The following HYDIN variants were observed in gnomAD, a reference collection of about 807,000 sequenced individuals.
The protein encoded by HYDIN is axonemal central pair apparatus protein HYDIN.
In HYDIN, 132 loss-of-function variants were observed where a neutral mutation model predicts 403.9. The observed-to-expected ratio is 0.33, with a 90% CI of 0.28 to 0.38. The LOEUF (loss-of-function observed/expected upper bound fraction) is 0.38, where lower values mean the gene tolerates loss of function less well. Among genes scored for constraint, HYDIN ranks in the 10% least tolerant of loss-of-function variants. HYDIN has a pLI of 1.00. For missense variants in HYDIN, 2,827 were observed against 5,009.5 expected (o/e 0.56, Z 13.15); for synonymous variants, 1,202 against 1,891.7 (o/e 0.64, Z 9.46).
intron 23 of HYDIN, among the ~76,000 whole-genome samples, chr16:71,008,219 T>C (rs2079952661): frequency 6.6e-6 from 1 of 151,312 alleles, no homozygotes; most frequent in South Asian, 2.1e-4. Context: ...ACGGGATCCA[T>C]ACCCCAAACT....
chr16:70,968,639 T>A (rs1187912801), intron 36 of HYDIN, among the ~76,000 whole-genome samples: 2 of 151,996 alleles, frequency 1.3e-5, no homozygotes, highest in East Asian at 3.9e-4. Flanking sequence ...AAGAAGGCAG[T>A]GCCCCCTTCT....
In HYDIN at chr16:70,809,647, G is replaced by A. The variant is rs1159551917; in HGVS notation, c.14883+136C>T. 3 of 705,848 alleles carry A rather than the reference G, an allele frequency of 4.3e-6. No individual in the cohort carries two copies. The African/African-American group carries it at 5.3e-5, about 13-fold the overall frequency. The allele number at this position is 705,848 out of a possible 1,614,324, so 43.7% of individuals were successfully genotyped here. A position where few individuals can be genotyped will look rare whatever the true frequency, so the allele number is the denominator to read the frequency against. On this transcript the variant is annotated intron_variant, in intron 85 of 85. Coordinates refer to ENST00000393567, the MANE Select transcript of HYDIN (RefSeq NM_001270974.2). ...TTCCAGGCTAGATTCAGGCCTCTGA[G>A]GCAGGTGTCACCATGACAACGAAGC... is the stretch of plus-strand genomic sequence containing the variant.
At chr16:70,923,818 C>A in intron 45 of HYDIN, among the ~76,000 whole-genome samples, 2 of 129,850 alleles carry the variant, frequency 1.5e-5, no homozygotes, top group Admixed American at 7.8e-5. Flanking sequence ...AAGACTCTGT[C>A]TCAAAAAAAA....
chr16:70,812,631 A>G (rs2035579978), intron 84 of HYDIN, among the ~76,000 whole-genome samples: 1 of 152,264 alleles, frequency 6.6e-6, no homozygotes, highest in Non-Finnish European at 1.5e-5. Flanking sequence ...AAAATATATA[A>G]AACCTAGAAA....
At chr16:71,180,544 T>C (rs548581046) in intron 3 of HYDIN, among the ~76,000 whole-genome samples, 1 of 152,152 alleles carries the variant, frequency 6.6e-6, no homozygotes, top group Admixed American at 6.5e-5. Flanking sequence ...CCTTTATATA[T>C]CTGAGAAAGA....
chr16:71,066,237 A>G (rs372721272), intron 15 of HYDIN, among the ~76,000 whole-genome samples: 9 of 152,038 alleles, frequency 5.9e-5, no homozygotes, highest in African/African-American at 2.2e-4. Flanking sequence ...TGGGCATAGA[A>G]AGGACCACAT....
intron 12 of HYDIN, among the ~76,000 whole-genome samples, chr16:71,083,850 T>C (rs1322596448): frequency 7.7e-6 from 1 of 130,342 alleles, no homozygotes; most frequent in African/African-American, 2.9e-5. Context: ...AGTAGCTGTC[T>C]TGGTTATCAG....
At chr16:71,115,501 G>A (rs2083989998) in intron 10 of HYDIN, among the ~76,000 whole-genome samples, 195 bp downstream of exon 10, 1 of 152,102 alleles carries the variant, frequency 6.6e-6, no homozygotes, top group African/African-American at 2.4e-5. Context: ...GCACTTTAAA[G>A]TTTGATCTGT....
intron 1 of HYDIN, among the ~76,000 whole-genome samples, chr16:71,208,724 T>A (rs1291054194): frequency 6.6e-6 from 1 of 152,100 alleles, no homozygotes; most frequent in African/African-American, 2.4e-5. Context: ...AAAGGGGATA[T>A]TACCACTGAC....
At chr16:71,183,897 A>G (rs2087014744) in intron 3 of HYDIN, among the ~76,000 whole-genome samples, 1 of 152,148 alleles carries the variant, frequency 6.6e-6, no homozygotes, top group Non-Finnish European at 1.5e-5. Context: ...AACACATTAA[A>G]ATACACTAGT....
intron 1 of HYDIN, among the ~76,000 whole-genome samples, chr16:71,193,298 T>C (rs536065460): frequency 2.4e-4 from 37 of 152,372 alleles, no homozygotes; most frequent in African/African-American, 8.2e-4. Flanking sequence ...GGTTTGTTTT[T>C]CTTAATTTAA....
At chr16:70,971,836 A>G (rs1201919882) in intron 35 of HYDIN, among the ~76,000 whole-genome samples, 2 of 151,402 alleles carry the variant, frequency 1.3e-5, no homozygotes, top group Non-Finnish European at 2.9e-5. Flanking sequence ...ATTTTCTTGA[A>G]CATGTTATCA....
intron 23 of HYDIN, among the ~76,000 whole-genome samples, chr16:70,994,977 C>G (rs1456976178): frequency 6.6e-6 from 1 of 150,906 alleles, no homozygotes; most frequent in Non-Finnish European, 1.5e-5. Flanking sequence ...TGGAAAAATA[C>G]AAAGCTGTAG....
intron 1 of HYDIN, among the ~76,000 whole-genome samples, chr16:71,187,817 T>TA (rs2087231059): frequency 6.6e-6 from 1 of 151,878 alleles, no homozygotes; most frequent in South Asian, 2.1e-4. Context: ...TATGAAATTT[T>TA]AAAAAAGGAA....
intron 25 of HYDIN, 22 bp downstream of exon 25, chr16:70,991,296 C>A (rs758062955): frequency 2.3e-5 from 37 of 1,613,538 alleles, no homozygotes; most frequent in Non-Finnish European, 3.0e-5. Flanking sequence ...TGCCTACCCT[C>A]CCCATGGAAA....
At chr16:71,095,087 ACTATC>A (rs202124944) in intron 10 of HYDIN, among the ~76,000 whole-genome samples, 5,185 of 145,230 alleles carry the variant, frequency 0.036, 222 homozygotes, top group African/African-American at 0.13. Context: ...GCATAATGCA[ACTATC>A]CTGTGTGCAG....
chr16:71,049,109 C>T (rs2081550437), intron 18 of HYDIN, among the ~76,000 whole-genome samples: 1 of 152,272 alleles, frequency 6.6e-6, no homozygotes, highest in Non-Finnish European at 1.5e-5. Context: ...ATATGGGCCA[C>T]AAGTAGAACA....
At chr16:70,948,660 C>T (rs1411555781) in intron 41 of HYDIN, among the ~76,000 whole-genome samples, 10 of 151,532 alleles carry the variant, frequency 6.6e-5, no homozygotes, top group Admixed American at 6.6e-4. Flanking sequence ...CATGAACAGA[C>T]ACTTCTCAAA....
chr16:71,213,211 C>A (rs2088687847), intron 1 of HYDIN, among the ~76,000 whole-genome samples: 1 of 151,938 alleles, frequency 6.6e-6, no homozygotes, highest in African/African-American at 2.4e-5. Flanking sequence ...CGAAAGTGAT[C>A]CCAAATGGAA....
Sources: allele counts gnomAD v4.1 joint callset (sites outside exome capture counted in the v4.1 genomes callset), GRCh38; gene constraint gnomAD v4.1.1; transcripts MANE v1.5; gene names NCBI Gene and HGNC (gene_info 2026-07-23, HGNC 2026-07-21).